Variants in SORBS2 observed in about 807,000 individuals in gnomAD.
SORBS2 encodes the protein sorbin and SH3 domain-containing protein 2.
A neutral mutation model predicts 97.7 loss-of-function variants in SORBS2; 46 were observed. The observed-to-expected ratio is 0.47, with a 90% confidence interval of 0.37 to 0.60. SORBS2 has a LOEUF of 0.60. SORBS2 is among the 20% of genes least tolerant of loss of function. The probability of loss-of-function intolerance (pLI) is 0.00; values close to 1 mark genes in which losing one functional copy is unlikely to be tolerated. For synonymous variants in SORBS2, 476 were observed against 473.4 expected, an observed-to-expected ratio of 1.01 and a Z score of -0.07; for missense variants, 1,316 against 1,282.3, an observed-to-expected ratio of 1.03 and a Z score of -0.40.
intron 13 of SORBS2, chr4:185,593,669 A>G (rs1284044477): frequency 5.7e-6 from 3 of 526,252 alleles, no homozygotes; most frequent in Non-Finnish European, 1.0e-5. Context: ...TAGTGTGTCA[A>G]TTAAAATCTT....
chr4:185,730,662 A>C (rs1269146077), intron 2 of SORBS2, among the ~76,000 whole-genome samples: 2 of 152,214 alleles, frequency 1.3e-5, no homozygotes, highest in Non-Finnish European at 2.9e-5. Flanking sequence ...GGCCATGGAG[A>C]GGACAACCGG....
At chr4:185,627,455 T>C (rs1412470265) in intron 5 of SORBS2, among the ~76,000 whole-genome samples, 2 of 152,306 alleles carry the variant, frequency 1.3e-5, no homozygotes, top group East Asian at 1.9e-4. Flanking sequence ...TGAGCTCAAG[T>C]AATCCTCAAG....
intron 1 of SORBS2, among the ~76,000 whole-genome samples, chr4:185,800,684 C>T (rs752349223): frequency 6.6e-6 from 1 of 152,184 alleles, no homozygotes; most frequent in Non-Finnish European, 1.5e-5. Flanking sequence ...TTTCTTCCTG[C>T]TGTCTTAGCT....
At chr4:185,651,872 CA>C in intron 2 of SORBS2, 44 bp from the exon 11 acceptor site, 1 of 954,016 alleles carries the variant, frequency 1.0e-6, no homozygotes, top group South Asian at 1.4e-5. Context: ...AGATTGTCAC[CA>C]AAGGACAACG....
intron 1 of SORBS2, among the ~76,000 whole-genome samples, chr4:185,901,831 G>A (rs2099247945): frequency 6.6e-6 from 1 of 152,168 alleles, no homozygotes; most frequent in African/African-American, 2.4e-5. Flanking sequence ...AAACTAACAA[G>A]CTATTAAAGC....
intron 1 of SORBS2, among the ~76,000 whole-genome samples, chr4:185,914,655 A>G (rs183005913): frequency 9.8e-5 from 15 of 152,348 alleles, no homozygotes; most frequent in Admixed American, 3.9e-4. Flanking sequence ...AGTTAACATT[A>G]TGCATTTTTT....
At chr4:185,715,938 A>G (rs1479862158) in intron 2 of SORBS2, among the ~76,000 whole-genome samples, 1 of 152,256 alleles carries the variant, frequency 6.6e-6, no homozygotes. Flanking sequence ...GCCATGTCCT[A>G]CAATGTGACT....
chr4:185,807,688 A>G (rs1207313659), intron 1 of SORBS2, among the ~76,000 whole-genome samples: 1 of 152,226 alleles, frequency 6.6e-6, no homozygotes, highest in East Asian at 1.9e-4. Context: ...TTTCCTTTTA[A>G]CTGCATGTCC....
chr4:185,612,130 A>G (rs1363211175), intron 11 of SORBS2, 150 bp from the exon 24 acceptor site: 2 of 603,738 alleles, frequency 3.3e-6, no homozygotes, highest in Non-Finnish European at 5.9e-6. Context: ...CAAGTAAGGT[A>G]CTAGTGCTTA....
At chr4:185,752,997 A>C (rs933875722) in intron 2 of SORBS2, among the ~76,000 whole-genome samples, 1 of 152,226 alleles carries the variant, frequency 6.6e-6, no homozygotes, top group Non-Finnish European at 1.5e-5. Flanking sequence ...CAAATATACA[A>C]AGCCGCTGCT....
intron 2 of SORBS2, among the ~76,000 whole-genome samples, chr4:185,704,186 T>C (rs1160755097): frequency 1.3e-5 from 2 of 152,220 alleles, no homozygotes; most frequent in African/African-American, 4.8e-5. Flanking sequence ...AAGTTACGAT[T>C]CAGACATAAT....
At chr4:185,671,340 G>A (rs75114091) in intron 4 of SORBS2, among the ~76,000 whole-genome samples, 1 of 152,170 alleles carries the variant, frequency 6.6e-6, no homozygotes, top group Non-Finnish European at 1.5e-5. Context: ...CATATTTTAA[G>A]AACATTATCA....
intron 1 of SORBS2, among the ~76,000 whole-genome samples, chr4:185,940,954 A>T (rs989258286): frequency 5.3e-5 from 8 of 152,118 alleles, no homozygotes; most frequent in Middle Eastern, 3.2e-3. Context: ...CGTTACTGGG[A>T]GTTGCTACTG....
chr4:185,587,836 T>C (rs952040493), intron 14 of SORBS2, 148 bp from the exon 27 acceptor site: 9 of 636,472 alleles, frequency 1.4e-5, no homozygotes, highest in Admixed American at 2.5e-5. Context: ...ATGAAGCCCA[T>C]AGGCAGACAA....
At chr4:185,735,812 A>C (rs990319398) in intron 2 of SORBS2, among the ~76,000 whole-genome samples, 1 of 152,136 alleles carries the variant, frequency 6.6e-6, no homozygotes, top group African/African-American at 2.4e-5. Context: ...CATGAAGTTT[A>C]CCTTATTTAA....
At chr4:185,760,368 C>A (rs1191663184) in intron 2 of SORBS2, among the ~76,000 whole-genome samples, 4 of 152,160 alleles carry the variant, frequency 2.6e-5, no homozygotes, top group Admixed American at 2.0e-4. Flanking sequence ...TCAAGACCAG[C>A]CTGGTCAACA....
chr4:185,623,553 T>A lies in SORBS2; in HGVS notation c.1576A>T (p.Ser526Cys). The change falls in exon 7 of 15, where the codon AGT becomes TGT. Residue 526 changes from serine (S) to cysteine (C), a missense_variant. Coordinates refer to ENST00000418609, the Ensembl canonical transcript of SORBS2. The surrounding 1 kb of genome is among the most constrained non-coding windows in gnomAD (Gnocchi z 6.4). ...GTGAAGGAAAAGTGATCAAAGTCAC[T>A]TTCACTGCAGAAGGATGACCCCTCT... 1 of 1,614,058 alleles carries A rather than the reference T, an allele frequency of 6.2e-7. No individual in the cohort carries two copies. The highest frequency in any genetic ancestry group is 8.5e-7 in the Non-Finnish European group (1 of 1,180,014).
rs568493217 is a variant in SORBS2 at position 185,789,192 on chromosome 4, C to T, written c.-337-13826G>A. Among the ~76,000 whole-genome samples, 64 of 152,274 alleles carry T rather than the reference C, an allele frequency of 4.2e-4. 1 individual carries two copies. The highest frequency in any genetic ancestry group is 3.4e-3 in the Middle Eastern group (1 of 294). On this transcript the variant is annotated intron_variant, in intron 1 of 20. Coordinates refer to the SORBS2 transcript ENST00000284776. Reference sequence around the variant, plus strand: ...AACATTGCATTGCTCTTTTTCTTAACACTCAAAAGTCAGCTTAAGATCCAG... The same window carrying T: ...AACATTGCATTGCTCTTTTTCTTAATACTCAAAAGTCAGCTTAAGATCCAG...
chr4:185,612,851 AAG>A (rs2096563292), intron 11 of SORBS2, among the ~76,000 whole-genome samples: 1 of 152,160 alleles, frequency 6.6e-6, no homozygotes, highest in South Asian at 2.1e-4. Flanking sequence ...GGATGGGGGA[AAG>A]AGAGCGCCCT....
Sources: allele counts gnomAD v4.1 joint callset (sites outside exome capture counted in the v4.1 genomes callset), GRCh38; gene constraint gnomAD v4.1.1; non-coding constraint Gnocchi (gnomAD v3.1); transcripts MANE v1.5; gene names NCBI Gene and HGNC (gene_info 2026-07-23, HGNC 2026-07-21).